Variants in STXBP5L observed in about 807,000 individuals in gnomAD.
The protein encoded by STXBP5L is syntaxin-binding protein 5-like.
STXBP5L carries 65 observed loss-of-function variants against 144.5 expected under a neutral mutation model. The observed-to-expected ratio is 0.45, with a 90% CI of 0.37 to 0.55. STXBP5L has a LOEUF of 0.55. Ranked by LOEUF, STXBP5L falls within the 20% of genes least tolerant of loss-of-function variation. The probability of loss-of-function intolerance (pLI) is 0.00; values close to 1 mark genes in which losing one functional copy is unlikely to be tolerated. For synonymous variants in STXBP5L, 505 were observed against 469.6 expected, an observed-to-expected ratio of 1.08 and a Z score of -0.97; for missense variants, 1,298 against 1,405.5, an observed-to-expected ratio of 0.92 and a Z score of 1.22.
intron 3 of STXBP5L, among the ~76,000 whole-genome samples, chr3:120,960,752 G>A (rs1482550847): frequency 1.3e-5 from 2 of 151,888 alleles, no homozygotes; most frequent in Non-Finnish European, 2.9e-5. Context: ...ACACCCTGGG[G>A]CCTGTTGTGG....
rs559318319 is a variant in STXBP5L, at chr3:121,059,624, G to A, written c.470+14089G>A. Among the ~76,000 whole-genome samples the A allele has an allele frequency of 5.2e-4, 79 of 151,960 alleles. 1 individual carries two copies. In the South Asian group the frequency reaches 0.012, roughly 24 times the overall value. On this transcript the variant is annotated intron_variant, in intron 5 of 26. Coordinates refer to ENST00000471454, the MANE Select transcript of STXBP5L (RefSeq NM_001308330.2). ...ATCCATGAGCATGGAATGTTTTTCC[G>A]TTTGTTTGTGTCCTCTCTTATTTCC...
intron 20 of STXBP5L, among the ~76,000 whole-genome samples, chr3:121,346,477 T>C (rs1265977046): frequency 6.6e-6 from 1 of 152,182 alleles, no homozygotes; most frequent in Non-Finnish European, 1.5e-5. Flanking sequence ...AGTAATGGGA[T>C]GGCTGGGTCA....
chr3:121,354,981 GT>G (rs1227666621), intron 20 of STXBP5L, among the ~76,000 whole-genome samples: 2 of 152,102 alleles, frequency 1.3e-5, no homozygotes, highest in Non-Finnish European at 1.5e-5. Flanking sequence ...GAAATTCTGG[GT>G]TGAAAATTCT....
intron 2 of STXBP5L, among the ~76,000 whole-genome samples, chr3:120,929,463 GTTGT>G (rs972037441): frequency 1.3e-5 from 2 of 151,650 alleles, no homozygotes; most frequent in Non-Finnish European, 2.9e-5. Flanking sequence ...ACACTTTTTG[GTTGT>G]TAAGGATTTT....
At chr3:121,208,198 C>A (rs908070325) in intron 10 of STXBP5L, among the ~76,000 whole-genome samples, 1 of 152,048 alleles carries the variant, frequency 6.6e-6, no homozygotes, top group Non-Finnish European at 1.5e-5. Context: ...ATGGATGAAG[C>A]TGGAAACCAT....
chr3:120,980,007 A>G (rs1288047260), intron 3 of STXBP5L, among the ~76,000 whole-genome samples: 1 of 152,134 alleles, frequency 6.6e-6, no homozygotes, highest in Non-Finnish European at 1.5e-5. Context: ...CAGGTTGTTC[A>G]ATTTCCACAT....
chr3:121,314,780 G>A (rs1253285157), intron 19 of STXBP5L, among the ~76,000 whole-genome samples: 11 of 151,908 alleles, frequency 7.2e-5, no homozygotes, highest in African/African-American at 2.7e-4. Flanking sequence ...ACTCAAACAA[G>A]TTTACAAGAA....
intron 14 of STXBP5L, among the ~76,000 whole-genome samples, chr3:121,243,655 A>G (rs953322410): frequency 6.6e-6 from 1 of 152,046 alleles, no homozygotes; most frequent in East Asian, 1.9e-4. Flanking sequence ...CTTTGCCTCA[A>G]AATATCTCAC....
At chr3:121,096,519 G>A (rs1365734149) in intron 5 of STXBP5L, among the ~76,000 whole-genome samples, 1 of 152,038 alleles carries the variant, frequency 6.6e-6, no homozygotes, top group African/African-American at 2.4e-5. Context: ...CTTGATTTTG[G>A]TTACCTTCTG....
intron 19 of STXBP5L, among the ~76,000 whole-genome samples, chr3:121,282,081 G>A (rs570345272): frequency 6.6e-5 from 10 of 150,648 alleles, no homozygotes; most frequent in South Asian, 2.1e-4. Context: ...TTCATCTATC[G>A]CCTCTTACTT....
rs1188409487 is a variant in STXBP5L at position 121,077,809 on chromosome 3, GTAGC to G, written c.470+32278_470+32281del. On this transcript the variant is annotated intron_variant, in intron 5 of 26. Transcript: ENST00000471454. ...AAAGGTTCTCCAAGTCCCCATCAGA[GTAGC>G]TAGATAGAGTGTCGATTGGTGCATT... Among the ~76,000 whole-genome samples the G allele has an allele frequency of 3.9e-5, 6 of 152,108 alleles. No homozygotes were observed. The East Asian group carries it at 1.2e-3, about 29-fold the overall frequency.
chr3:121,092,385 G>C (rs1242589693), intron 5 of STXBP5L, among the ~76,000 whole-genome samples: 5 of 152,070 alleles, frequency 3.3e-5, no homozygotes, highest in African/African-American at 7.2e-5. Context: ...TCACGATATT[G>C]ATTCTTCCTA....
At chr3:121,364,120 T>A (rs551058015) in intron 20 of STXBP5L, among the ~76,000 whole-genome samples, 1 of 152,322 alleles carries the variant, frequency 6.6e-6, no homozygotes, top group African/African-American at 2.4e-5. Flanking sequence ...AAATGTAATG[T>A]CATTAACTTT....
intron 14 of STXBP5L, among the ~76,000 whole-genome samples, chr3:121,249,271 T>C (rs2049958284): frequency 6.6e-6 from 1 of 152,176 alleles, no homozygotes; most frequent in African/African-American, 2.4e-5. Flanking sequence ...TGTTTTACCA[T>C]ATTTTAATTG....
intron 22 of STXBP5L, among the ~76,000 whole-genome samples, chr3:121,399,575 T>G (rs2046820165): frequency 6.6e-6 from 1 of 152,206 alleles, no homozygotes; most frequent in African/African-American, 2.4e-5. Context: ...ACTAAAAGTA[T>G]CCCTTATGGG....
intron 5 of STXBP5L, among the ~76,000 whole-genome samples, chr3:121,110,165 G>T (rs532276318): frequency 1.3e-5 from 2 of 152,212 alleles, no homozygotes; most frequent in African/African-American, 2.4e-5. Context: ...TTACCAGCTT[G>T]CCATTCTGTG....
intron 10 of STXBP5L, among the ~76,000 whole-genome samples, chr3:121,209,113 G>C (rs1160234225): frequency 1.3e-5 from 2 of 152,082 alleles, no homozygotes; most frequent in African/African-American, 4.8e-5. Context: ...TTTTTTAATA[G>C]CTGCACAGTA....
intron 20 of STXBP5L, among the ~76,000 whole-genome samples, chr3:121,372,249 G>C (rs1179969364): frequency 6.6e-6 from 1 of 152,116 alleles, no homozygotes; most frequent in Admixed American, 6.5e-5. Flanking sequence ...GAAGACTGAG[G>C]GGTGCTTAGG....
intron 5 of STXBP5L, among the ~76,000 whole-genome samples, chr3:121,108,606 A>G (rs565196230): frequency 5.3e-5 from 8 of 152,162 alleles, no homozygotes; most frequent in Middle Eastern, 3.4e-3. Flanking sequence ...GTGCTGTTGG[A>G]CTTGGTTTGC....
Sources: allele counts gnomAD v4.1 joint callset (sites outside exome capture counted in the v4.1 genomes callset), GRCh38; gene constraint gnomAD v4.1.1; transcripts MANE v1.5; gene names NCBI Gene and HGNC (gene_info 2026-07-23, HGNC 2026-07-21).